CPE: variants seen among roughly 807,000 people sequenced by gnomAD.
CPE encodes carboxypeptidase E, also known as carbocypeptidase E.
Under a neutral mutation model 53.5 loss-of-function variants are expected in CPE, and 17 were observed. The observed-to-expected ratio is 0.32, with a 90% CI of 0.22 to 0.48. The LOEUF (loss-of-function observed/expected upper bound fraction) is 0.48. Ranked by LOEUF, CPE falls within the 20% of genes least tolerant of loss-of-function variation. The pLI is 0.99. For missense variants in CPE, 524 were observed against 614.7 expected, an observed-to-expected ratio of 0.85 and a Z score of 1.56; for synonymous variants, 226 against 228.8, an observed-to-expected ratio of 0.99 and a Z score of 0.11.
intron 1 of CPE, among the ~76,000 whole-genome samples, chr4:165,430,664 C>T (rs944681955): frequency 6.6e-6 from 1 of 151,830 alleles, no homozygotes; most frequent in Non-Finnish European, 1.5e-5. Flanking sequence ...TTTTATTATA[C>T]TTAATATATG....
chr4:165,456,739 A>ATTT (rs35855408), intron 1 of CPE, among the ~76,000 whole-genome samples: 10,256 of 101,122 alleles, frequency 0.1, 982 homozygotes, highest in African/African-American at 0.16. Flanking sequence ...TGCCCAGCTA[A>ATTT]TTTTTTTTTT....
chr4:165,410,222 C>T (rs991272171), intron 1 of CPE, among the ~76,000 whole-genome samples: 12 of 146,468 alleles, frequency 8.2e-5, no homozygotes, highest in Admixed American at 7.6e-4. Context: ...GCCCTGTAAC[C>T]TGACAGAGGG....
At chr4:165,492,140 G>A (rs765722626) in intron 6 of CPE, among the ~76,000 whole-genome samples, 6 of 152,186 alleles carry the variant, frequency 3.9e-5, no homozygotes, top group Non-Finnish European at 8.8e-5. Context: ...ATAGCCAGTT[G>A]ATGACTACAA....
intron 1 of CPE, among the ~76,000 whole-genome samples, chr4:165,447,991 T>C (rs1482934784): frequency 1.3e-5 from 2 of 152,312 alleles, no homozygotes; most frequent in East Asian, 1.9e-4. Flanking sequence ...TTATATGGCC[T>C]ATGACTGTAC....
chr4:165,425,040 G>C (rs1731295354), intron 1 of CPE, among the ~76,000 whole-genome samples: 1 of 151,884 alleles, frequency 6.6e-6, no homozygotes, highest in African/African-American at 2.4e-5. Flanking sequence ...ACCATGCCCA[G>C]CTAATTTTTG....
intron 1 of CPE, among the ~76,000 whole-genome samples, chr4:165,389,382 A>T (rs1245757684): frequency 1.3e-5 from 2 of 151,924 alleles, no homozygotes; most frequent in African/African-American, 4.8e-5. Context: ...AGGAATTGAG[A>T]GTTTTTTCTT....
intron 1 of CPE, among the ~76,000 whole-genome samples, chr4:165,435,956 TTA>T (rs1208450326): frequency 1.3e-5 from 2 of 152,152 alleles, no homozygotes; most frequent in Non-Finnish European, 1.5e-5. Context: ...AGAACACTTT[TTA>T]ACCTGGTTGC....
At chr4:165,402,111 T>G (rs2126661884) in intron 1 of CPE, among the ~76,000 whole-genome samples, 1 of 152,358 alleles carries the variant, frequency 6.6e-6, no homozygotes, top group East Asian at 1.9e-4. Flanking sequence ...AATAAAAATG[T>G]AATAAAGCTT....
chr4:165,419,714 T>G (rs1352627675), intron 1 of CPE, among the ~76,000 whole-genome samples: 1 of 152,154 alleles, frequency 6.6e-6, no homozygotes, highest in African/African-American at 2.4e-5. Context: ...CTCCTTGTCC[T>G]TTGCACTTGT....
In CPE at chr4:165,484,565, G is replaced by A. The variant is rs746173997; in HGVS notation, c.934G>A (p.Gly312Arg). The A allele has an allele frequency of 8.7e-6, 14 of 1,613,970 alleles. No homozygotes were observed. The Admixed American group carries it at 1.0e-4, about 12-fold the overall frequency. Residue 312 changes from glycine to arginine, a missense_variant, in exon 5 of 9, where the codon GGA becomes AGA. Physicochemically the swap from Gly to Arg is moderately radical, Grantham distance 125. Transcript: ENST00000402744. ...TGATGATGACAGCAGCTTTGTAGAT[G>A]GAACCACCAACGGTGGTGCTTGGTA... ...KNDDDSSFVD[G>R]TTNGGAWYSV...
At chr4:165,415,775 A>T (rs34485171) in intron 1 of CPE, among the ~76,000 whole-genome samples, 1 of 151,792 alleles carries the variant, frequency 6.6e-6, no homozygotes, top group Non-Finnish European at 1.5e-5. Context: ...ACATACATAC[A>T]TATAGTACAT....
intron 1 of CPE, among the ~76,000 whole-genome samples, chr4:165,395,141 A>G (rs955964568): frequency 1.2e-4 from 19 of 152,202 alleles, no homozygotes; most frequent in African/African-American, 4.3e-4. Flanking sequence ...AAGTATTCCA[A>G]AGTCTTCTGG....
chr4:165,382,792 G>C (rs1003724583), intron 1 of CPE, among the ~76,000 whole-genome samples: 5 of 152,190 alleles, frequency 3.3e-5, no homozygotes, highest in Non-Finnish European at 7.3e-5. Context: ...ACAGGACATG[G>C]GGTGTAGTTG....
rs184019670 is a variant in CPE at position 165,428,605 on chromosome 4, C to T, written c.308-35785C>T. Among the ~76,000 whole-genome samples the T allele has an allele frequency of 8.6e-5, 13 of 152,016 alleles. No individual in the cohort carries two copies. In the East Asian group the frequency reaches 1.6e-3, roughly 18 times the overall value. On this transcript the variant is annotated intron_variant, in intron 1 of 8. Coordinates refer to ENST00000402744, the MANE Select transcript of CPE (RefSeq NM_001873.4). ...ATTTATCCTTTGCAATTCTAGAGAC[C>T]GGAAGTTTGAAATTAGTATCACTGG...
At chr4:165,395,684 A>G (rs1730751720) in intron 1 of CPE, among the ~76,000 whole-genome samples, 1 of 152,220 alleles carries the variant, frequency 6.6e-6, no homozygotes, top group Non-Finnish European at 1.5e-5. Flanking sequence ...TCTGTGCATG[A>G]TATGTAGTTC....
intron 7 of CPE, 74 bp downstream of exon 7, chr4:165,493,344 CT>C: frequency 1.9e-6 from 2 of 1,065,656 alleles, no homozygotes; most frequent in African/African-American, 1.6e-5. Flanking sequence ...AATTATAAGT[CT>C]TATGTTCTTC....
At chr4:165,473,166 T>G (rs1264562691) in intron 3 of CPE, among the ~76,000 whole-genome samples, 1 of 152,240 alleles carries the variant, frequency 6.6e-6, no homozygotes, top group Non-Finnish European at 1.5e-5. Context: ...TTCACAGATC[T>G]TTTCACAACT....
intron 1 of CPE, among the ~76,000 whole-genome samples, chr4:165,448,025 T>G (rs1279938761): frequency 6.6e-6 from 1 of 152,216 alleles, no homozygotes; most frequent in African/African-American, 2.4e-5. Flanking sequence ...AATATATGCA[T>G]GTATATATAC....
In CPE at chr4:165,379,189, G is replaced by A. The variant is rs1730459250; in HGVS notation, c.-33G>A. ...GCAGACAAAAGAGGCCGCCCGCGTA[G>A]GAAGGCACGGCCGGCGGCGGCGGAG... On this transcript the variant is annotated 5_prime_UTR_variant, in exon 1 of 9. Coordinates refer to ENST00000402744, the MANE Select transcript of CPE (RefSeq NM_001873.4). The surrounding 1 kb of genome is among the most constrained non-coding windows in gnomAD (Gnocchi z 6.0). 8.2e-7 allele frequency: 1 copy of A among 1,223,012 alleles called. No individual in the cohort carries two copies. The allele number at this position is 1,223,012 out of a possible 1,614,324, so 75.8% of individuals were successfully genotyped here.
Sources: gnomAD v4.1 joint callset for allele counts (sites outside exome capture counted in the v4.1 genomes callset) on GRCh38, gnomAD v4.1.1 for gene constraint, Gnocchi (gnomAD v3.1) non-coding constraint, MANE v1.5 for transcripts, NCBI Gene and HGNC (gene_info 2026-07-23, HGNC 2026-07-21) for gene names.